Variants in TRDMT1 observed in about 807,000 individuals in gnomAD.
The protein encoded by TRDMT1 is tRNA (cytosine(38)-C(5))-methyltransferase.
Under a neutral mutation model 51.2 loss-of-function variants are expected in TRDMT1, and 49 were observed. The observed-to-expected ratio is 0.96, with a 90% CI of 0.76 to 1.21. The LOEUF is 1.21. TRDMT1 is among the 50% of genes most tolerant of loss of function. The pLI is 0.00. For synonymous variants in TRDMT1, 187 were observed against 164.6 expected, an observed-to-expected ratio of 1.14 and a Z score of -1.04; for missense variants, 534 against 462.3, an observed-to-expected ratio of 1.16 and a Z score of -1.42.
At chr10:17,184,620 A>G (rs1843667149) in intron 1 of TRDMT1, among the ~76,000 whole-genome samples, 1 of 152,074 alleles carries the variant, frequency 6.6e-6, no homozygotes, top group African/African-American at 2.4e-5. Flanking sequence ...GCAAAACACT[A>G]GCAGTATAAT....
In TRDMT1 at chr10:17,143,819, C is replaced by G; in HGVS notation, c.*5221G>C. ...ATGATCTTTGGTTATGAAGCTTGAACTTGGAAGATGTGGAGACTAACCGTA... is the reference window on the plus strand; with the variant it reads ...ATGATCTTTGGTTATGAAGCTTGAAGTTGGAAGATGTGGAGACTAACCGTA... On this transcript the variant is annotated 3_prime_UTR_variant, in exon 11 of 11. Coordinates refer to ENST00000377799, the MANE Select transcript of TRDMT1 (RefSeq NM_004412.7). 3 of 985,402 alleles carry G rather than the reference C, an allele frequency of 3.0e-6. No individual in the cohort carries two copies. Among genetic ancestry groups the G allele is most frequent in the Middle Eastern group, 5.2e-4 (1 of 1,914 alleles). The allele number at this position is 985,402 out of a possible 1,614,324, so 61.0% of individuals were successfully genotyped here. A position where few individuals can be genotyped will look rare whatever the true frequency, so the allele number is the denominator to read the frequency against.
chr10:17,151,015 G>A (rs1838636813), intron 10 of TRDMT1: 4 of 978,402 alleles, frequency 4.1e-6, no homozygotes, highest in Non-Finnish European at 4.9e-6. Flanking sequence ...GCATGTGTGT[G>A]TGTGTGCGTG....
intron 1 of TRDMT1, among the ~76,000 whole-genome samples, chr10:17,197,790 T>C (rs1156976293): frequency 6.6e-6 from 1 of 152,196 alleles, no homozygotes; most frequent in African/African-American, 2.4e-5. Flanking sequence ...CCCAACACTT[T>C]GGGAGGCCAA....
At chr10:17,196,697 T>C (rs939750478) in intron 1 of TRDMT1, among the ~76,000 whole-genome samples, 1 of 152,176 alleles carries the variant, frequency 6.6e-6, no homozygotes, top group Non-Finnish European at 1.5e-5. Flanking sequence ...TTCCTGTGTT[T>C]GAAAATTTGC....
chr10:17,154,249 A>ATGAAGAGT (rs1839192865), intron 9 of TRDMT1, among the ~76,000 whole-genome samples: 1 of 152,182 alleles, frequency 6.6e-6, no homozygotes, highest in Admixed American at 6.5e-5. Context: ...CCATGACACC[A>ATGAAGAGT]TGAAGAGTTA....
In TRDMT1 at chr10:17,185,399, T is replaced by A. The variant is rs373471607; in HGVS notation, c.65-10739A>T. The stretch of plus-strand genomic sequence containing the variant: ...CATCTCACACCAGTTAGAATGGCGA[T>A]CATTAAAAAGTCAGGAAACAACAGG... On this transcript the variant is annotated intron_variant, in intron 1 of 10. Transcript: ENST00000377799. Among the ~76,000 whole-genome samples, 9 of 149,252 alleles carry A rather than the reference T, an allele frequency of 6.0e-5. No individual in the cohort carries two copies. The East Asian group carries it at 1.6e-3, about 26-fold the overall frequency.
chr10:17,187,909 T>G (rs1213533362), intron 1 of TRDMT1, among the ~76,000 whole-genome samples: 12 of 152,156 alleles, frequency 7.9e-5, no homozygotes, highest in Non-Finnish European at 2.9e-5. Flanking sequence ...CCATTTTCAT[T>G]ATATAAATGT....
intron 1 of TRDMT1, among the ~76,000 whole-genome samples, chr10:17,198,150 A>T (rs1346161955): frequency 6.6e-6 from 1 of 152,214 alleles, no homozygotes; most frequent in African/African-American, 2.4e-5. Flanking sequence ...TATTATTTTT[A>T]AAAAATGGAA....
At chr10:17,189,205 A>G (rs144155125) in intron 1 of TRDMT1, among the ~76,000 whole-genome samples, 2 of 152,298 alleles carry the variant, frequency 1.3e-5, no homozygotes, top group African/African-American at 4.8e-5. Flanking sequence ...TTTATGCCAA[A>G]CATGTCTATA....
intron 1 of TRDMT1, among the ~76,000 whole-genome samples, chr10:17,175,409 G>A (rs549328716): frequency 1.3e-5 from 2 of 152,076 alleles, no homozygotes; most frequent in Admixed American, 6.5e-5. Flanking sequence ...AATGTTAGCC[G>A]AAATTGGAAC....
intron 8 of TRDMT1, among the ~76,000 whole-genome samples, chr10:17,156,720 T>C (rs1392641697): frequency 6.6e-6 from 1 of 152,158 alleles, no homozygotes; most frequent in Admixed American, 6.5e-5. Context: ...AGTACTGATA[T>C]GCGATAATAT....
At chr10:17,180,369 C>A (rs956992018) in intron 1 of TRDMT1, among the ~76,000 whole-genome samples, 4 of 151,904 alleles carry the variant, frequency 2.6e-5, no homozygotes, top group Non-Finnish European at 5.9e-5. Flanking sequence ...GGCAAAACCC[C>A]GTCTCTACTA....
intron 1 of TRDMT1, among the ~76,000 whole-genome samples, chr10:17,175,375 C>T (rs1288090277): frequency 1.3e-5 from 2 of 152,122 alleles, no homozygotes; most frequent in South Asian, 2.1e-4. Context: ...GTTTTCAGAT[C>T]CAGAGAATTC....
intron 7 of TRDMT1, among the ~76,000 whole-genome samples, chr10:17,158,637 T>G (rs1839886247): frequency 6.6e-6 from 1 of 152,160 alleles, no homozygotes; most frequent in Non-Finnish European, 1.5e-5. Context: ...TAATTAGAGA[T>G]TCTTTCTGTA....
chr10:17,147,046 T>C lies in TRDMT1; in HGVS notation c.*1994A>G, dbSNP rs1298271431. The C allele has an allele frequency of 2.0e-6, 2 of 985,588 alleles. No homozygotes were observed. Among genetic ancestry groups the C allele is most frequent in the Admixed American group, 6.1e-5 (1 of 16,262 alleles). 61.1% of individuals were successfully genotyped at this position (985,588 alleles called of 1,614,324 possible). On this transcript the variant is annotated 3_prime_UTR_variant, in exon 11 of 11. Transcript: ENST00000377799. ...CAAATGTCTCTACAGACCTTTCAAGTATTTATAGTTGGTGCACAGTAACTC... is the reference window on the plus strand; with the variant it reads ...CAAATGTCTCTACAGACCTTTCAAGCATTTATAGTTGGTGCACAGTAACTC...
chr10:17,146,384 C>T lies in TRDMT1; in HGVS notation c.*2656G>A, dbSNP rs537839566. 8 of 985,314 alleles carry T rather than the reference C, an allele frequency of 8.1e-6. No individual in the cohort carries two copies. In the Admixed American group the frequency reaches 3.7e-4, roughly 45 times the overall value. 61.0% of individuals were successfully genotyped at this position (985,314 alleles called of 1,614,324 possible). ...GCCAGGGTCCTCTGTGAAGGTGATG[C>T]CATCATTCCTCTTTCTTGCCTGCCA... On this transcript the variant is annotated 3_prime_UTR_variant, in exon 11 of 11. Transcript: ENST00000377799.
chr10:17,170,234 T>C (rs7912931), intron 2 of TRDMT1, among the ~76,000 whole-genome samples: 20,848 of 152,132 alleles, frequency 0.14, 1,527 homozygotes, highest in Admixed American at 0.17. Flanking sequence ...GGCCAACTGA[T>C]AAGGCAGTTA....
intron 10 of TRDMT1, chr10:17,150,289 T>G (rs1397605397): frequency 4.6e-6 from 3 of 649,382 alleles, no homozygotes; most frequent in Non-Finnish European, 5.7e-6. Flanking sequence ...TGGAGAAATG[T>G]TGACTCAAAT....
At chr10:17,166,691 T>C (rs879272135) in intron 3 of TRDMT1, among the ~76,000 whole-genome samples, 24 of 152,204 alleles carry the variant, frequency 1.6e-4, no homozygotes, top group Admixed American at 1.5e-3. Context: ...AGTTCTTATT[T>C]GTCCTTTCCT....
Sources: gnomAD v4.1 joint callset for allele counts (sites outside exome capture counted in the v4.1 genomes callset) on GRCh38, gnomAD v4.1.1 for gene constraint, MANE v1.5 for transcripts, NCBI Gene and HGNC (gene_info 2026-07-23, HGNC 2026-07-21) for gene names.